Variants in SEC14L5 observed in about 807,000 individuals in gnomAD.
The protein encoded by SEC14L5 is SEC14 like lipid binding 5, also known as SEC14-like protein 5.
In SEC14L5, 96 loss-of-function variants were observed where a neutral mutation model predicts 84.6. That is an observed-to-expected ratio of 1.13 (90% CI 0.96 to 1.34). The LOEUF (loss-of-function observed/expected upper bound fraction) is 1.34. Among genes scored for constraint, SEC14L5 ranks in the 40% most tolerant of loss-of-function variants. The probability of loss-of-function intolerance (pLI) is 0.00; values close to 1 mark genes in which losing one functional copy is unlikely to be tolerated. For synonymous variants in SEC14L5, 546 were observed against 383.4 expected (o/e 1.42, Z -4.95); for missense variants, 1,224 against 942.5 (o/e 1.30, Z -3.91).
chr16:5,007,461 G>T lies in SEC14L5; in HGVS notation c.1547G>T (p.Ser516Ile). The change falls in exon 13 of 16, where the codon AGC becomes ATC. Residue 516 changes from serine to isoleucine, a missense_variant. By Grantham distance (142) the Ser-to-Ile change is moderately radical. Transcript: ENST00000251170. ...TGGAGTGAGACCTACCATTCAGCCA[G>T]CGTGCTCCGCGGAGCCCCCCACGAG... ...WQWSETYHSA[S>I]VLRGAPHEVA... The T allele has an allele frequency of 2.5e-6, 4 of 1,613,700 alleles. No individual in the cohort carries two copies. Among genetic ancestry groups the T allele is most frequent in the Non-Finnish European group, 3.4e-6 (4 of 1,179,858 alleles).
chr16:4,964,346 T>A (rs970992361), intron 2 of SEC14L5, among the ~76,000 whole-genome samples: 4 of 151,848 alleles, frequency 2.6e-5, no homozygotes, highest in Non-Finnish European at 5.9e-5. Context: ...CCCAGCACTT[T>A]GGGAGGCCGA....
At chr16:4,967,222 C>G (rs1441788346) in intron 2 of SEC14L5, among the ~76,000 whole-genome samples, 2 of 152,170 alleles carry the variant, frequency 1.3e-5, no homozygotes, top group Non-Finnish European at 1.5e-5. Context: ...GGGATCTGCT[C>G]CTGGCCTCTC....
intron 12 of SEC14L5, 44 bp from the exon 13 acceptor site, chr16:5,007,308 C>T (rs772216904): frequency 3.1e-6 from 5 of 1,596,116 alleles, no homozygotes; most frequent in Admixed American, 3.4e-5. Flanking sequence ...GCCAGCCAGG[C>T]CTCAACTGGC....
intron 2 of SEC14L5, among the ~76,000 whole-genome samples, chr16:4,962,224 C>G (rs1236094475): frequency 6.8e-6 from 1 of 147,420 alleles, no homozygotes; most frequent in Non-Finnish European, 1.5e-5. Flanking sequence ...AACAGAAAAA[C>G]TATATGAATA....
intron 10 of SEC14L5, among the ~76,000 whole-genome samples, chr16:5,002,141 C>T (rs1213023527): frequency 6.6e-6 from 1 of 152,188 alleles, no homozygotes; most frequent in Non-Finnish European, 1.5e-5. Flanking sequence ...ACGGATCTTG[C>T]ACTTGCTATG....
At chr16:5,008,050 G>A (rs537436499) in intron 13 of SEC14L5, among the ~76,000 whole-genome samples, 1 of 151,992 alleles carries the variant, frequency 6.6e-6, no homozygotes, top group Non-Finnish European at 1.5e-5. Context: ...TGGGATTACA[G>A]GTGCCAGCCA....
intron 2 of SEC14L5, among the ~76,000 whole-genome samples, chr16:4,967,562 G>GTTTTTTTTT (rs869061549): frequency 2.7e-5 from 1 of 37,064 alleles, no homozygotes; most frequent in Non-Finnish European, 5.5e-5. Context: ...TCTTTCTTTC[G>GTTTTTTTTT]TTTTTTTTTT....
chr16:4,977,244 C>T (rs575803919), intron 2 of SEC14L5, among the ~76,000 whole-genome samples: 24 of 151,884 alleles, frequency 1.6e-4, no homozygotes, highest in African/African-American at 5.5e-4. Context: ...GTCAGGAGTT[C>T]GAGACCAGCC....
chr16:4,971,276 C>T (rs13332958), intron 2 of SEC14L5, among the ~76,000 whole-genome samples: 63,829 of 151,812 alleles, frequency 0.42, 14,051 homozygotes, highest in Non-Finnish European at 0.49. Context: ...CTCGGCAACA[C>T]AGTGAGACCT....
At chr16:4,973,375 T>C (rs1023727336) in intron 2 of SEC14L5, among the ~76,000 whole-genome samples, 1 of 152,238 alleles carries the variant, frequency 6.6e-6, no homozygotes, top group Non-Finnish European at 1.5e-5. Context: ...GCTGCAATGA[T>C]GGATTGTCTG....
At position 5,000,835 on chromosome 16, in the gene SEC14L5, G is replaced by C; in HGVS notation, c.1060-20G>C. On this transcript the variant is annotated intron_variant, in intron 9 of 15. Transcript: ENST00000251170. ...AAAGCAGCGAGGCGGACGTTGAGCA[G>C]CACTGTCTCTCCCTTCCAGGTTCTC... is the stretch of plus-strand genomic sequence containing the variant. 6.3e-7 allele frequency: 1 copy of C among 1,594,314 alleles called. No individual in the cohort carries two copies. The highest frequency in any genetic ancestry group is 8.5e-7 in the Non-Finnish European group (1 of 1,170,110).
chr16:5,001,702 C>G (rs1318882767), intron 10 of SEC14L5, among the ~76,000 whole-genome samples: 1 of 152,190 alleles, frequency 6.6e-6, no homozygotes, highest in East Asian at 1.9e-4. Flanking sequence ...TTCCCGGAGC[C>G]AGTACTTACG....
Position 5,015,507 on chromosome 16 carries a change from C to T in SEC14L5, c.*537C>T, listed in dbSNP as rs1955866047. 1 of 156,166 alleles carries T rather than the reference C, an allele frequency of 6.4e-6. No individual in the cohort carries two copies. Among genetic ancestry groups the T allele is most frequent in the Admixed American group, 6.1e-5 (1 of 16,394 alleles). The allele number at this position is 156,166 out of a possible 1,614,324, so 9.7% of individuals were successfully genotyped here. ...ACACTGGAGAATGCTGATTGGCCAG[C>T]AGGGTCATGCCCAATCTGGACCAAT... On this transcript the variant is annotated 3_prime_UTR_variant, in exon 16 of 16. Transcript: ENST00000251170.
chr16:4,983,236 A>G (rs1369657969), intron 2 of SEC14L5, among the ~76,000 whole-genome samples: 1 of 151,132 alleles, frequency 6.6e-6, no homozygotes, highest in Non-Finnish European at 1.5e-5. Context: ...CTGGTCTCAA[A>G]CTCCTGACCT....
Position 5,000,941 on chromosome 16 carries a change from G to A in SEC14L5, c.1130+16G>A. On this transcript the variant is annotated intron_variant, in intron 10 of 15. Transcript: ENST00000251170. ...GTCCCATCAGGCAAACACCTGGGCT[G>A]GGCACAAATCCCCCCTAAACAGCAA... 1 of 1,591,470 alleles carries A rather than the reference G, an allele frequency of 6.3e-7. No individual in the cohort carries two copies. Among genetic ancestry groups the A allele is most frequent in the Non-Finnish European group, 8.6e-7 (1 of 1,167,130 alleles).
intron 2 of SEC14L5, among the ~76,000 whole-genome samples, chr16:4,969,097 G>T (rs766700964): frequency 1.2e-4 from 19 of 152,362 alleles, no homozygotes; most frequent in Admixed American, 3.3e-4. Flanking sequence ...GTTGCTAACA[G>T]ATTAAGGCAA....
At chr16:5,012,767 T>A (rs898885270) in intron 15 of SEC14L5, among the ~76,000 whole-genome samples, 5 of 152,128 alleles carry the variant, frequency 3.3e-5, no homozygotes, top group African/African-American at 9.7e-5. Context: ...TAGCCGGGCA[T>A]GCCTATAATC....
At position 5,005,848 on chromosome 16, in the gene SEC14L5, A is replaced by G. The variant is rs1417319669; in HGVS notation, c.1303-66A>G. On this transcript the variant is annotated intron_variant, in intron 11 of 15. Transcript: ENST00000251170. ...CACTGCACTCCAGCCTGGGCGACTGAGCAAGACTCCGTCTCAAAAAAAAAA... is the reference window on the plus strand; with the variant it reads ...CACTGCACTCCAGCCTGGGCGACTGGGCAAGACTCCGTCTCAAAAAAAAAA... 3 of 1,464,116 alleles carry G rather than the reference A, an allele frequency of 2.0e-6. No homozygotes were observed. In the African/African-American group the frequency reaches 4.7e-5, roughly 23 times the overall value. 90.7% of individuals were successfully genotyped at this position (1,464,116 alleles called of 1,614,324 possible).
In SEC14L5 at chr16:5,007,369, A is replaced by G. The variant is rs1276615312; in HGVS notation, c.1455A>G (p.Gly485=). The change falls in exon 13 of 16, where the codon GGA becomes GGG. Residue 485 remains glycine, a synonymous_variant. Coordinates refer to ENST00000251170, the MANE Select transcript of SEC14L5 (RefSeq NM_014692.2). ...ACCTGCAGTGTAATGTCCCCGAAGGAGGGCTGGTCCCCAAGTCCCTCTACA... is the reference window on the plus strand; with the variant it reads ...ACCTGCAGTGTAATGTCCCCGAAGGGGGGCTGGTCCCCAAGTCCCTCTACA... ...GGESVCNVPE[G]GLVPKSLYMT... is the part of the protein sequence containing the mutation. The G allele has an allele frequency of 1.2e-6, 2 of 1,613,700 alleles. No homozygotes were observed. The highest frequency in any genetic ancestry group is 8.5e-7 in the Non-Finnish European group (1 of 1,179,836).
Sources: allele counts gnomAD v4.1 joint callset (sites outside exome capture counted in the v4.1 genomes callset), GRCh38; gene constraint gnomAD v4.1.1; transcripts MANE v1.5; gene names NCBI Gene and HGNC (gene_info 2026-07-23, HGNC 2026-07-21).